ODF2L: variants seen among roughly 807,000 people sequenced by gnomAD.
The protein encoded by ODF2L is protein BCAP.
Under a neutral mutation model 86.3 loss-of-function variants are expected in ODF2L, and 76 were observed. The observed-to-expected ratio is 0.88, with a 90% CI of 0.73 to 1.07. The LOEUF (loss-of-function observed/expected upper bound fraction) is 1.07, where lower values mean the gene tolerates loss of function less well. Ranked by LOEUF, ODF2L falls within the 50% of genes least tolerant of loss-of-function variation. The pLI is 0.00. For missense variants in ODF2L, 748 were observed against 717.4 expected (o/e 1.04, Z -0.49); for synonymous variants, 241 against 231.3 (o/e 1.04, Z -0.38).
At chr1:86,367,898 TC>T (rs1659554134) in intron 11 of ODF2L, among the ~76,000 whole-genome samples, 1 of 152,236 alleles carries the variant, frequency 6.6e-6, no homozygotes, top group Non-Finnish European at 1.5e-5. Context: ...GTTTCACATT[TC>T]TGTCAAGTGA....
In ODF2L at chr1:86,386,684, G is replaced by C. The variant is rs1009108937; in HGVS notation, c.113+231C>G. 3.3e-5 allele frequency: 13 copies of C among 397,646 alleles called. No homozygotes were observed. The East Asian group carries it at 4.9e-4, about 15-fold the overall frequency. The allele number at this position is 397,646 out of a possible 1,614,324, so 24.6% of individuals were successfully genotyped here. A position where few individuals can be genotyped will look rare whatever the true frequency, so the allele number is the denominator to read the frequency against. Reference sequence around the variant, plus strand: ...ATTACAGGCATGATCCATTGCGCCCGGCCAGGTTTTCATTTTTAATTGCTT... The same window carrying C: ...ATTACAGGCATGATCCATTGCGCCCCGCCAGGTTTTCATTTTTAATTGCTT... On this transcript the variant is annotated intron_variant, in intron 2 of 17. Transcript: ENST00000317336.
At chr1:86,364,101 TTA>T (rs1399049495) in intron 11 of ODF2L, among the ~76,000 whole-genome samples, 1 of 152,198 alleles carries the variant, frequency 6.6e-6, no homozygotes, top group Non-Finnish European at 1.5e-5. Flanking sequence ...AAATTTAACT[TTA>T]TGACTTTTAT....
At chr1:86,375,090 T>A (rs1390064263) in intron 8 of ODF2L, 2 of 152,092 alleles carry the variant, frequency 1.3e-5, no homozygotes, top group Non-Finnish European at 2.9e-5. Flanking sequence ...TTGATATGAT[T>A]GTTTTAGAAC....
At chr1:86,388,694 G>A (rs1370674809) in intron 1 of ODF2L, among the ~76,000 whole-genome samples, 1 of 151,918 alleles carries the variant, frequency 6.6e-6, no homozygotes, top group Non-Finnish European at 1.5e-5. Flanking sequence ...TCAATTTGTA[G>A]AAAATATTTT....
intron 4 of ODF2L, among the ~76,000 whole-genome samples, chr1:86,383,865 A>G (rs149763404): frequency 8.6e-5 from 13 of 151,906 alleles, no homozygotes; most frequent in Non-Finnish European, 1.8e-4. Context: ...GAAAATATTG[A>G]TGATACAGTG....
At chr1:86,369,402 A>G (rs1428182340) in intron 10 of ODF2L, among the ~76,000 whole-genome samples, 5 of 152,310 alleles carry the variant, frequency 3.3e-5, no homozygotes, top group Non-Finnish European at 7.4e-5. Context: ...CCTATAACGT[A>G]TATCACTTAG....
At chr1:86,380,405 A>T (rs904382290) in intron 7 of ODF2L, among the ~76,000 whole-genome samples, 17 of 152,174 alleles carry the variant, frequency 1.1e-4, no homozygotes, top group African/African-American at 4.1e-4. Flanking sequence ...GTAAGTCGAC[A>T]TAAGACAAAG....
At chr1:86,376,054 A>T (rs6703576) in intron 8 of ODF2L, among the ~76,000 whole-genome samples, 179 bp downstream of exon 8, 41,037 of 152,096 alleles carry the variant, frequency 0.27, 6,385 homozygotes, top group East Asian at 0.41. Flanking sequence ...TTCAATATGA[A>T]AATTTGACAT....
intron 11 of ODF2L, among the ~76,000 whole-genome samples, chr1:86,363,530 A>G (rs566158287): frequency 9.8e-5 from 15 of 152,298 alleles, no homozygotes; most frequent in South Asian, 8.3e-4. Flanking sequence ...AATATAGAAC[A>G]ATATTAAAAA....
chr1:86,349,067 G>C (rs1407609841), downstream of ODF2L: 2 of 385,698 alleles, frequency 5.2e-6, no homozygotes, highest in East Asian at 1.1e-4. Context: ...GCACACACAT[G>C]GTTGATCTTC....
At chr1:86,357,548 G>T in intron 13 of ODF2L, 1 of 182,982 alleles carries the variant, frequency 5.5e-6, no homozygotes, top group Non-Finnish European at 1.1e-5. Context: ...AAGGCTATGT[G>T]GCTACTAACA....
exon 18 of ODF2L, chr1:86,351,054 C>T (rs1658102326): frequency 6.6e-6 from 1 of 152,110 alleles, no homozygotes; most frequent in Non-Finnish European, 1.5e-5. Context: ...CCTGTTCACT[C>T]TGATGATAGT....
intron 12 of ODF2L, among the ~76,000 whole-genome samples, chr1:86,359,661 C>T (rs1439862229): frequency 6.6e-6 from 1 of 151,606 alleles, no homozygotes; most frequent in Non-Finnish European, 1.5e-5. Flanking sequence ...ATAGCTGAGA[C>T]TACAGGTGCA....
intron 9 of ODF2L, among the ~76,000 whole-genome samples, chr1:86,372,169 C>T (rs1348384911): frequency 1.5e-5 from 2 of 131,492 alleles, no homozygotes; most frequent in Admixed American, 8.2e-5. Context: ...AGCCTGGCAA[C>T]AAAGTGAGAC....
chr1:86,347,282 C>G (rs1657853162), downstream of ODF2L: 1 of 152,162 alleles, frequency 6.6e-6, no homozygotes, highest in Non-Finnish European at 1.5e-5. Flanking sequence ...ACTGAGTGCC[C>G]AGATATTTAT....
chr1:86,357,711 G>T, intron 13 of ODF2L: 9 of 967,902 alleles, frequency 9.3e-6, no homozygotes, highest in Non-Finnish European at 1.1e-5. Flanking sequence ...GAGAAAACCA[G>T]GAGACTTAAA....
chr1:86,379,770 A>G (rs1052854662), intron 7 of ODF2L, among the ~76,000 whole-genome samples: 6 of 152,344 alleles, frequency 3.9e-5, no homozygotes, highest in African/African-American at 1.4e-4. Context: ...TCATTATTCC[A>G]AGACCAAACA....
chr1:86,374,139 C>T (rs1267397425), intron 8 of ODF2L, among the ~76,000 whole-genome samples: 2 of 152,100 alleles, frequency 1.3e-5, no homozygotes, highest in Non-Finnish European at 2.9e-5. Context: ...CATCATTCAT[C>T]CATTTACTGA....
intron 1 of ODF2L, among the ~76,000 whole-genome samples, chr1:86,393,777 T>C (rs1661500950): frequency 6.6e-6 from 1 of 152,234 alleles, no homozygotes; most frequent in African/African-American, 2.4e-5. Context: ...TCTTTTAAAC[T>C]TGCTATTAAC....
Sources: gnomAD v4.1 joint callset for allele counts (sites outside exome capture counted in the v4.1 genomes callset) on GRCh38, gnomAD v4.1.1 for gene constraint, MANE v1.5 for transcripts, NCBI Gene and HGNC (gene_info 2026-07-23, HGNC 2026-07-21) for gene names.